The following TNFRSF19 variants were observed in gnomAD, a reference collection of about 807,000 sequenced individuals.
TNFRSF19 encodes TNF receptor superfamily member 19.
TNFRSF19 carries 27 observed loss-of-function variants against 46.4 expected under a neutral mutation model. The ratio of observed to expected loss-of-function variants is 0.58; its 90% CI spans 0.43 to 0.80. The LOEUF is 0.80. TNFRSF19 is among the 30% of genes least tolerant of loss of function. The probability of loss-of-function intolerance (pLI) is 0.00; values close to 1 mark genes in which losing one functional copy is unlikely to be tolerated. For missense variants in TNFRSF19, 511 were observed against 530.8 expected (o/e 0.96, Z 0.37); for synonymous variants, 204 against 205.0 (o/e 1.00, Z 0.04).
intron 3 of TNFRSF19, among the ~76,000 whole-genome samples, chr13:23,611,356 G>A (rs1270048673): frequency 3.6e-4 from 55 of 152,180 alleles, no homozygotes; most frequent in Non-Finnish European, 2.2e-4. Context: ...TGGGTTTGGT[G>A]GATGGAAAAT....
chr13:23,582,804 A>G (rs1417455212), intron 1 of TNFRSF19, among the ~76,000 whole-genome samples: 1 of 152,188 alleles, frequency 6.6e-6, no homozygotes, highest in Non-Finnish European at 1.5e-5. Context: ...TATAAATGTA[A>G]TCGTATAGTA....
In TNFRSF19 at chr13:23,630,868, T is replaced by C. The variant is rs911069222; in HGVS notation, c.445+4076T>C. Among the ~76,000 whole-genome samples, 8 of 152,238 alleles carry C rather than the reference T, an allele frequency of 5.3e-5. No homozygotes were observed. The South Asian group carries it at 8.3e-4, about 16-fold the overall frequency. On this transcript the variant is annotated intron_variant, in intron 5 of 9. Transcript: ENST00000248484. ...AAATTCAAAGGGGTTTTCACCAGAG[T>C]AAAACTTTATTTAAGTATGTTTAAC...
At position 23,673,688 on chromosome 13, in the gene TNFRSF19, T is replaced by A; in HGVS notation, c.*308T>A. The A allele has an allele frequency of 1.9e-6, 1 of 529,026 alleles. No individual in the cohort carries two copies. The allele number at this position is 529,026 out of a possible 1,614,324, so 32.8% of individuals were successfully genotyped here. A position where few individuals can be genotyped will look rare whatever the true frequency, so the allele number is the denominator to read the frequency against. The stretch of plus-strand genomic sequence containing the variant: ...ACGGATGGGTTGAGCTGGCAGCCTA[T>A]GAGATTGTGGACATATAACAAGAAA... On this transcript the variant is annotated 3_prime_UTR_variant, in exon 10 of 10. Transcript: ENST00000248484.
intron 3 of TNFRSF19, among the ~76,000 whole-genome samples, chr13:23,604,932 A>G (rs1566178796): frequency 6.6e-6 from 1 of 152,214 alleles, no homozygotes; most frequent in Non-Finnish European, 1.5e-5. Flanking sequence ...ATATGACACC[A>G]AAGGCACAAC....
At chr13:23,672,901 T>C (rs1951780566) in intron 9 of TNFRSF19, among the ~76,000 whole-genome samples, 1 of 152,212 alleles carries the variant, frequency 6.6e-6, no homozygotes, top group African/African-American at 2.4e-5. Flanking sequence ...TCTCTAATAG[T>C]TTAATGGAAG....
At position 23,673,875 on chromosome 13, in the gene TNFRSF19, A is replaced by G. The variant is rs1172437408; in HGVS notation, c.*495A>G. 1 of 152,860 alleles carries G rather than the reference A, an allele frequency of 6.5e-6. No individual in the cohort carries two copies. Among genetic ancestry groups the G allele is most frequent in the African/African-American group, 2.4e-5 (1 of 41,470 alleles). The allele number at this position is 152,860 out of a possible 1,614,324, so 9.5% of individuals were successfully genotyped here. A position where few individuals can be genotyped will look rare whatever the true frequency, so the allele number is the denominator to read the frequency against. ...AATGGGTTCAAAAGTGAGTGTTTCT[A>G]TTTGAGAAGGACACTTTTTCATCAT... On this transcript the variant is annotated 3_prime_UTR_variant, in exon 10 of 10. Coordinates refer to ENST00000248484, the MANE Select transcript of TNFRSF19 (RefSeq NM_148957.4).
intron 2 of TNFRSF19, among the ~76,000 whole-genome samples, chr13:23,591,823 T>A (rs1879332209): frequency 6.6e-6 from 1 of 151,824 alleles, no homozygotes; most frequent in African/African-American, 2.4e-5. Flanking sequence ...CTTCCCAGTT[T>A]CAAGTGATTC....
chr13:23,633,111 C>CT (rs34800120), intron 5 of TNFRSF19, among the ~76,000 whole-genome samples: 42,633 of 135,996 alleles, frequency 0.31, 7,508 homozygotes, highest in Non-Finnish European at 0.38. Context: ...TTGTTGACGT[C>CT]TTTTTTTTTT....
At chr13:23,639,850 G>C (rs1437411062) in intron 5 of TNFRSF19, among the ~76,000 whole-genome samples, 2 of 152,232 alleles carry the variant, frequency 1.3e-5, no homozygotes, top group South Asian at 2.1e-4. Flanking sequence ...GAAAGGATAT[G>C]CTAAAATTGT....
At chr13:23,579,818 G>A (rs1232231746) in intron 1 of TNFRSF19, among the ~76,000 whole-genome samples, 2 of 152,022 alleles carry the variant, frequency 1.3e-5, no homozygotes, top group Non-Finnish European at 2.9e-5. Flanking sequence ...TCCTATCCGG[G>A]ATATTGTAAA....
chr13:23,629,895 G>T (rs1288154841), intron 5 of TNFRSF19, among the ~76,000 whole-genome samples: 1 of 152,174 alleles, frequency 6.6e-6, no homozygotes, highest in Non-Finnish European at 1.5e-5. Context: ...CCTGGACGGG[G>T]AGGATCTCAT....
At chr13:23,661,515 G>A (rs1019693676) in intron 7 of TNFRSF19, among the ~76,000 whole-genome samples, 5 of 152,172 alleles carry the variant, frequency 3.3e-5, no homozygotes, top group African/African-American at 9.7e-5. Flanking sequence ...ATGTGCATGT[G>A]TCTTTATGGT....
intron 5 of TNFRSF19, among the ~76,000 whole-genome samples, chr13:23,645,901 G>T (rs1382822658): frequency 6.6e-6 from 1 of 152,056 alleles, no homozygotes; most frequent in Non-Finnish European, 1.5e-5. Context: ...CCAAACCCAT[G>T]GTCCCTCAAA....
chr13:23,669,579 C>T (rs1951720435), intron 9 of TNFRSF19: 7 of 985,366 alleles, frequency 7.1e-6, no homozygotes, highest in Non-Finnish European at 8.4e-6. Flanking sequence ...TTCTGGATCA[C>T]TCTGCTTTAC....
intron 7 of TNFRSF19, among the ~76,000 whole-genome samples, chr13:23,664,616 A>G (rs1226770465): frequency 6.6e-6 from 1 of 152,208 alleles, no homozygotes; most frequent in East Asian, 1.9e-4. Flanking sequence ...TGTTTTCACC[A>G]TATTCTATTA....
At chr13:23,655,247 C>G (rs945869232) in intron 5 of TNFRSF19, among the ~76,000 whole-genome samples, 3 of 152,156 alleles carry the variant, frequency 2.0e-5, no homozygotes, top group African/African-American at 7.2e-5. Context: ...CATAATTGTT[C>G]AGTTGAGTTG....
At chr13:23,610,733 G>A (rs1779387049) in intron 3 of TNFRSF19, among the ~76,000 whole-genome samples, 1 of 152,138 alleles carries the variant, frequency 6.6e-6, no homozygotes, top group African/African-American at 2.4e-5. Context: ...GGAAGGAGAG[G>A]TGGAGGGAGG....
intron 3 of TNFRSF19, among the ~76,000 whole-genome samples, chr13:23,606,650 G>T (rs1025972405): frequency 1.3e-5 from 2 of 152,160 alleles, no homozygotes; most frequent in Admixed American, 6.5e-5. Flanking sequence ...GAATGAATTT[G>T]TGTATATGTT....
intron 7 of TNFRSF19, among the ~76,000 whole-genome samples, chr13:23,666,426 T>C (rs1376716249): frequency 6.6e-6 from 1 of 152,226 alleles, no homozygotes; most frequent in African/African-American, 2.4e-5. Flanking sequence ...CATTTATGTA[T>C]TTATATACCT....
Sources: gnomAD v4.1 joint callset for allele counts (sites outside exome capture counted in the v4.1 genomes callset) on GRCh38, gnomAD v4.1.1 for gene constraint, MANE v1.5 for transcripts, NCBI Gene and HGNC (gene_info 2026-07-23, HGNC 2026-07-21) for gene names.